GLOD4: variants seen among roughly 807,000 people sequenced by gnomAD.
GLOD4 encodes the protein glyoxalase domain-containing protein 4.
GLOD4 carries 44 observed loss-of-function variants against 39.1 expected under a neutral mutation model. The observed-to-expected ratio is 1.13, with a 90% CI of 0.88 to 1.45. GLOD4 has a LOEUF of 1.45. Among genes scored for constraint, GLOD4 ranks in the 40% most tolerant of loss-of-function variants. The pLI, the probability that GLOD4 is intolerant of heterozygous loss-of-function variation, is 0.00. For synonymous variants in GLOD4, 145 were observed against 135.0 expected, an observed-to-expected ratio of 1.07 and a Z score of -0.52; for missense variants, 405 against 366.4, an observed-to-expected ratio of 1.11 and a Z score of -0.86.
At chr17:781,484 C>T (rs892270672) in intron 1 of GLOD4, among the ~76,000 whole-genome samples, 7 of 152,188 alleles carry the variant, frequency 4.6e-5, no homozygotes, top group East Asian at 1.9e-4. Flanking sequence ...TTAAAAATGA[C>T]CTGACGAATT....
At chr17:767,611 TGA>T (rs1215378916) in intron 8 of GLOD4, among the ~76,000 whole-genome samples, 8 of 134,594 alleles carry the variant, frequency 5.9e-5, no homozygotes, top group African/African-American at 1.2e-4. Context: ...AGAGAGGACG[TGA>T]GAGAGAGAAA....
At chr17:782,388 C>T, upstream of GLOD4, 2 of 1,613,674 alleles carry the variant, frequency 1.2e-6, no homozygotes, top group Non-Finnish European at 8.5e-7. Context: ...CATGGCGGCG[C>T]TGGTGAGACC....
chr17:782,292 A>G (rs1178695632), upstream of GLOD4: 10 of 1,611,748 alleles, frequency 6.2e-6, no homozygotes, highest in Non-Finnish European at 7.6e-6. Flanking sequence ...CGCACCGTAC[A>G]GCCCAGTCCA....
At chr17:766,777 T>C (rs1906641427) in intron 8 of GLOD4, among the ~76,000 whole-genome samples, 1 of 152,128 alleles carries the variant, frequency 6.6e-6, no homozygotes, top group South Asian at 2.1e-4. Context: ...CAAGTGCCTG[T>C]AGTTCCAGCT....
In GLOD4 at chr17:775,908, G is replaced by C; in HGVS notation, c.273C>G (p.Leu91=). 3 of 1,612,940 alleles carry C rather than the reference G, an allele frequency of 1.9e-6. No individual in the cohort carries two copies. The highest frequency in any genetic ancestry group is 2.5e-6 in the Non-Finnish European group (3 of 1,178,946). ...CGTTGCTGACAGCCTGGCTAGAAGC[G>C]AGCGTGATTCCCTACAACAAACAAC... is the stretch of plus-strand genomic sequence containing the variant. ...KLGNDFMGIT[L]ASSQAVSNAR... is the part of the protein sequence containing the mutation. The change falls in exon 4 of 9, where the codon CTC becomes CTG. Residue 91 remains leucine (L), a synonymous_variant. Coordinates refer to ENST00000301329, the MANE Select transcript of GLOD4 (RefSeq NM_016080.4).
intron 8 of GLOD4, chr17:763,944 G>A (rs1020021982): frequency 6.6e-6 from 1 of 152,184 alleles, no homozygotes; most frequent in Non-Finnish European, 1.5e-5. Context: ...GAATTTGCAA[G>A]TGACGAAGGA....
chr17:782,314 A>T (rs1266931570), upstream of GLOD4: 3 of 1,611,110 alleles, frequency 1.9e-6, no homozygotes, highest in Non-Finnish European at 2.5e-6. Flanking sequence ...GAAGGGCGCC[A>T]CGGGCCGTGA....
Position 771,598 on chromosome 17 carries a change from C to T in GLOD4, c.407-137G>A, listed in dbSNP as rs552529346. The T allele has an allele frequency of 2.8e-4, 144 of 507,820 alleles. 1 individual carries two copies. The highest frequency in any genetic ancestry group is 3.9e-4 in the Non-Finnish European group (116 of 294,696). The allele number at this position is 507,820 out of a possible 1,614,324, so 31.5% of individuals were successfully genotyped here. A position where few individuals can be genotyped will look rare whatever the true frequency, so the allele number is the denominator to read the frequency against. On this transcript the variant is annotated intron_variant, in intron 4 of 8. Coordinates refer to ENST00000301329, the MANE Select transcript of GLOD4 (RefSeq NM_016080.4). ...TAAGCCAGTATGAAGCTGGGTGCAG[C>T]GGCCCATGCCTGTAATGCCAGCACT...
intron 8 of GLOD4, 72 bp downstream of exon 8, chr17:769,797 G>C: frequency 1.1e-6 from 1 of 935,694 alleles, no homozygotes; most frequent in African/African-American, 1.6e-5. Context: ...CTGTTGCTTA[G>C]TCTCCTCCCA....
At chr17:768,553 A>T (rs1597579621) in intron 8 of GLOD4, among the ~76,000 whole-genome samples, 1 of 130,730 alleles carries the variant, frequency 7.6e-6, no homozygotes, top group Admixed American at 7.7e-5. Flanking sequence ...AGAGGACGTG[A>T]GAGAGAGAAA....
At chr17:762,251 A>G (rs1334855724) in intron 8 of GLOD4, among the ~76,000 whole-genome samples, 2 of 152,258 alleles carry the variant, frequency 1.3e-5, no homozygotes, top group African/African-American at 2.4e-5. Context: ...TAAAACGACT[A>G]TTAAATGTTA....
chr17:766,814 G>A (rs931191121), intron 8 of GLOD4, among the ~76,000 whole-genome samples: 2 of 152,114 alleles, frequency 1.3e-5, no homozygotes, highest in South Asian at 2.1e-4. Flanking sequence ...CAGAAGAATC[G>A]CTTGACCCTG....
At chr17:778,037 T>C (rs1287075700) in intron 2 of GLOD4, among the ~76,000 whole-genome samples, 1 of 152,188 alleles carries the variant, frequency 6.6e-6, no homozygotes, top group Non-Finnish European at 1.5e-5. Context: ...AGGTGCTGGA[T>C]TGGAGCCTGC....
chr17:770,535 G>T (rs1323859327), intron 5 of GLOD4, 28 bp from the exon 6 acceptor site: 1 of 1,038,848 alleles, frequency 9.6e-7, no homozygotes, highest in Non-Finnish European at 1.5e-6. Flanking sequence ...GTTATTTTTT[G>T]GAACAGGTTA....
At position 765,606 on chromosome 17, in the gene GLOD4, G is replaced by A. The variant is rs1364717588; in HGVS notation, c.831+4263C>T. Among the ~76,000 whole-genome samples, 9 of 150,962 alleles carry A rather than the reference G, an allele frequency of 6.0e-5. No homozygotes were observed. The East Asian group carries it at 1.9e-3, about 31-fold the overall frequency. Reference sequence around the variant, plus strand: ...GCCCTTTGGGAGGCCGAGGAGGGTGGATCACCTGAGGTCAGGAGTTCAAGA... The same window carrying A: ...GCCCTTTGGGAGGCCGAGGAGGGTGAATCACCTGAGGTCAGGAGTTCAAGA... On this transcript the variant is annotated intron_variant, in intron 8 of 8. Coordinates refer to ENST00000301329, the MANE Select transcript of GLOD4 (RefSeq NM_016080.4).
At chr17:767,575 A>C (rs542192756) in intron 8 of GLOD4, among the ~76,000 whole-genome samples, 1 of 151,206 alleles carries the variant, frequency 6.6e-6, no homozygotes. Context: ...AACAGCGCAC[A>C]CTCAGATTTT....
rs952080689 is a variant in GLOD4 at position 776,913 on chromosome 17, A to C, written c.216T>G (p.Thr72=). The change falls in exon 3 of 9, where the codon ACT becomes ACG. Residue 72 remains threonine (T), a synonymous_variant. Transcript: ENST00000301329. ...PEDDHFVAEL[T]YNYGVGDYKL... is the part of the protein sequence containing the mutation. ...TGTAGTCTCCGACGCCATAATTGTA[A>C]GTCAGTTCTGCGACAAAATGATCAT... 6.2e-7 allele frequency: 1 copy of C among 1,612,090 alleles called. No homozygotes were observed. The highest frequency in any genetic ancestry group is 1.3e-5 in the African/African-American group (1 of 74,882).
chr17:764,687 T>C (rs1012846567), intron 8 of GLOD4: 9 of 152,024 alleles, frequency 5.9e-5, no homozygotes, highest in African/African-American at 9.7e-5. Context: ...AGAGCTGTGA[T>C]ATGCAATTAC....
chr17:761,670 A>G lies in GLOD4; in HGVS notation c.832-1432T>C, dbSNP rs776973886. Among the ~76,000 whole-genome samples the G allele has an allele frequency of 1.2e-3, 182 of 152,110 alleles. 1 individual carries two copies. The highest frequency in any genetic ancestry group is 1.1e-3 in the Admixed American group (17 of 15,274). On this transcript the variant is annotated intron_variant, in intron 8 of 8. Transcript: ENST00000301329. The stretch of plus-strand genomic sequence containing the variant: ...CAGGCGTACACCACCGTGCCTGGCT[A>G]ATTTTTTGTGTTTAGTAGAGACAGG...
Sources: gnomAD v4.1 joint callset for allele counts (sites outside exome capture counted in the v4.1 genomes callset) on GRCh38, gnomAD v4.1.1 for gene constraint, MANE v1.5 for transcripts, NCBI Gene and HGNC (gene_info 2026-07-23, HGNC 2026-07-21) for gene names.